PLSCR2: variants seen among roughly 807,000 people sequenced by gnomAD.
The protein encoded by PLSCR2 is phospholipid scramblase 2.
In PLSCR2, 18 loss-of-function variants were observed where a neutral mutation model predicts 25.3. The ratio of observed to expected loss-of-function variants is 0.71; its 90% CI spans 0.49 to 1.06. The LOEUF is 1.06. Ranked by LOEUF, PLSCR2 falls within the 50% of genes least tolerant of loss-of-function variation. The probability of loss-of-function intolerance (pLI) is 0.00; values close to 1 mark genes in which losing one functional copy is unlikely to be tolerated. For missense variants in PLSCR2, 243 were observed against 269.5 expected (o/e 0.90, Z 0.69); for synonymous variants, 88 against 87.3 (o/e 1.01, Z -0.04).
chr3:146,478,793 C>T, intron 1 of PLSCR2, among the ~76,000 whole-genome samples: 1 of 152,140 alleles, frequency 6.6e-6, no homozygotes, highest in East Asian at 1.9e-4. Flanking sequence ...ACATAATTGT[C>T]AGATTCACCA....
At chr3:146,407,962 G>T (rs2038714800) in intron 2 of PLSCR2, among the ~76,000 whole-genome samples, 1 of 152,212 alleles carries the variant, frequency 6.6e-6, no homozygotes, top group Admixed American at 6.5e-5. Context: ...GTCATGGATA[G>T]TAGCTGGATT....
In PLSCR2 at chr3:146,444,437, G is replaced by A. The variant is rs752502329; in HGVS notation, c.646-2616C>T. ...TAATAATATTTGCTTTCTATATCTC[G>A]GTGCTCCAGTATTGGGTGCATATAT... On this transcript the variant is annotated intron_variant, in intron 6 of 6. Coordinates refer to ENST00000610787, the Ensembl canonical transcript of PLSCR2. 5.3e-5 allele frequency among the ~76,000 whole-genome samples: 8 copies of A among 151,174 alleles called. No individual in the cohort carries two copies. In the East Asian group the frequency reaches 9.7e-4, roughly 18 times the overall value.
chr3:146,447,693 C>G (rs1241086701), intron 6 of PLSCR2, among the ~76,000 whole-genome samples: 2 of 152,166 alleles, frequency 1.3e-5, no homozygotes, highest in African/African-American at 2.4e-5. Flanking sequence ...GCTGCCCTGG[C>G]TGGTGTCTCA....
At chr3:146,394,903 T>C (rs531630977) in intron 3 of PLSCR2, among the ~76,000 whole-genome samples, 23 of 152,304 alleles carry the variant, frequency 1.5e-4, no homozygotes, top group African/African-American at 4.8e-4. Flanking sequence ...GATCTGATGA[T>C]TTTATATGCA....
At chr3:146,459,869 T>C (rs781692978) in exon 2 of PLSCR2, 23 of 1,613,096 alleles carry the variant, frequency 1.4e-5, no homozygotes, top group African/African-American at 2.7e-5. Flanking sequence ...ATTCCAATCC[T>C]GGCGGACAGT....
intron 2 of PLSCR2, chr3:146,401,456 A>G (rs1206523842): frequency 6.6e-6 from 1 of 152,540 alleles, no homozygotes; most frequent in Non-Finnish European, 1.5e-5. Flanking sequence ...AAAATCCACA[A>G]AGGTGTCGAA....
chr3:146,482,106 C>T (rs2043151601), intron 1 of PLSCR2, among the ~76,000 whole-genome samples: 6 of 152,100 alleles, frequency 3.9e-5, no homozygotes, highest in Admixed American at 3.9e-4. Context: ...AAATTTTAGA[C>T]CTAAACCATA....
chr3:146,431,284 A>T (rs2039535716), downstream of PLSCR2, among the ~76,000 whole-genome samples: 1 of 152,142 alleles, frequency 6.6e-6, no homozygotes, highest in East Asian at 1.9e-4. Flanking sequence ...TTATTCTAGT[A>T]TGTTTCTATC....
exon 4 of PLSCR2, chr3:146,455,368 A>C: frequency 3.7e-6 from 6 of 1,612,600 alleles, no homozygotes; most frequent in Non-Finnish European, 5.1e-6. Context: ...AATTTCGGAT[A>C]CAGAAATTAG....
chr3:146,405,667 GT>G (rs2038639957), intron 2 of PLSCR2, among the ~76,000 whole-genome samples: 1 of 152,136 alleles, frequency 6.6e-6, no homozygotes, highest in African/African-American at 2.4e-5. Context: ...GCTATGCATT[GT>G]TTTATAAATT....
chr3:146,454,044 A>G (rs1184084161), exon 5 of PLSCR2: 10 of 1,610,128 alleles, frequency 6.2e-6, no homozygotes, highest in South Asian at 4.4e-5. Flanking sequence ...CGATACATGG[A>G]CCACTAATTT....
At chr3:146,480,087 G>A (rs529206877) in intron 1 of PLSCR2, among the ~76,000 whole-genome samples, 51 of 152,280 alleles carry the variant, frequency 3.3e-4, no homozygotes, top group African/African-American at 9.6e-4. Flanking sequence ...ATTCAAAGCC[G>A]TATGTAGAGG....
intron 2 of PLSCR2, among the ~76,000 whole-genome samples, chr3:146,426,191 C>CCCTCCT (rs1167323510): frequency 1.4e-5 from 2 of 139,214 alleles, no homozygotes. Context: ...TCCTCCCTCC[C>CCCTCCT]TCCTTCCCTC....
At chr3:146,461,784 G>T (rs774071341), upstream of PLSCR2, 55 of 721,058 alleles carry the variant, frequency 7.6e-5, no homozygotes, top group Non-Finnish European at 2.2e-5. Context: ...CATCTAGGGA[G>T]ACCCTTAGTA....
At chr3:146,402,337 A>G (rs967809575) in intron 2 of PLSCR2, among the ~76,000 whole-genome samples, 3 of 152,222 alleles carry the variant, frequency 2.0e-5, no homozygotes, top group Admixed American at 6.5e-5. Flanking sequence ...CAAAATAATA[A>G]TTTTAAAAAC....
intron 2 of PLSCR2, among the ~76,000 whole-genome samples, chr3:146,426,884 G>C (rs1291246563): frequency 3.9e-5 from 6 of 152,070 alleles, no homozygotes; most frequent in Non-Finnish European, 8.8e-5. Context: ...CAAAAATAAA[G>C]TGTGTATCTT....
At chr3:146,432,966 A>G (rs746520633), downstream of PLSCR2, among the ~76,000 whole-genome samples, 7 of 152,160 alleles carry the variant, frequency 4.6e-5, no homozygotes, top group African/African-American at 7.2e-5. Flanking sequence ...CTTGCCTCCA[A>G]CTGATTTCTC....
At chr3:146,465,856 A>G (rs368325888) in intron 1 of PLSCR2, among the ~76,000 whole-genome samples, 1 of 152,232 alleles carries the variant, frequency 6.6e-6, no homozygotes, top group Non-Finnish European at 1.5e-5. Flanking sequence ...TATGCACTTA[A>G]AAGATTTGGT....
At chr3:146,473,597 C>T (rs1031393747) in intron 1 of PLSCR2, among the ~76,000 whole-genome samples, 3 of 152,268 alleles carry the variant, frequency 2.0e-5, no homozygotes, top group Non-Finnish European at 2.9e-5. Flanking sequence ...TGAGCCACTG[C>T]GCCTGGCTGA....
Sources: gnomAD v4.1 joint callset for allele counts (sites outside exome capture counted in the v4.1 genomes callset) on GRCh38, gnomAD v4.1.1 for gene constraint, MANE v1.5 for transcripts, NCBI Gene and HGNC (gene_info 2026-07-23, HGNC 2026-07-21) for gene names.